GNG7: variants seen among roughly 807,000 people sequenced by gnomAD.
The protein encoded by GNG7 is guanine nucleotide-binding protein G(I)/G(S)/G(O) subunit gamma-7.
GNG7 carries 1 observed loss-of-function variant against 4.0 expected under a neutral mutation model. The observed-to-expected ratio is 0.25, with a 90% CI of 0.09 to 1.18. The LOEUF is 1.18. Among genes scored for constraint, GNG7 ranks in the 50% most tolerant of loss-of-function variants. GNG7 has a pLI of 0.50. For missense variants in GNG7, 86 were observed against 91.9 expected (o/e 0.94, Z 0.26); for synonymous variants, 34 against 36.9 (o/e 0.92, Z 0.29).
chr19:2,649,643 C>T (rs1982758419), intron 1 of GNG7, among the ~76,000 whole-genome samples: 1 of 152,110 alleles, frequency 6.6e-6, no homozygotes, highest in Non-Finnish European at 1.5e-5. Flanking sequence ...CCGCCTCAGC[C>T]TCCCAAAGTG....
intron 4 of GNG7, among the ~76,000 whole-genome samples, chr19:2,515,718 G>A (rs1327543366): frequency 6.6e-6 from 1 of 151,798 alleles, no homozygotes; most frequent in East Asian, 1.9e-4. Flanking sequence ...GAGCCACTGC[G>A]CCCGGCCGTG....
chr19:2,698,098 C>T (rs1913313292), intron 1 of GNG7, among the ~76,000 whole-genome samples: 1 of 150,822 alleles, frequency 6.6e-6, no homozygotes, highest in South Asian at 2.1e-4. Context: ...GAAACTCCGT[C>T]TCTACTAAAA....
In GNG7 at chr19:2,560,442, T is replaced by C. The variant is rs539131866; in HGVS notation, c.-77-5254A>G. 2.0e-5 allele frequency among the ~76,000 whole-genome samples: 3 copies of C among 152,140 alleles called. No homozygotes were observed. The South Asian group carries it at 6.2e-4, about 32-fold the overall frequency. ...AGGACCCCTTACCTCCACATCTTAT[T>C]TCTGTGTCCCACCCAGCCCTTCCCT... On this transcript the variant is annotated intron_variant, in intron 2 of 4. Transcript: ENST00000382159.
chr19:2,595,989 G>A (rs1227511384), intron 2 of GNG7, among the ~76,000 whole-genome samples: 1 of 152,058 alleles, frequency 6.6e-6, no homozygotes, highest in South Asian at 2.1e-4. Context: ...GCGACTCTAC[G>A]CTGCATGCTT....
intron 2 of GNG7, among the ~76,000 whole-genome samples, chr19:2,565,191 C>G (rs1272959015): frequency 6.6e-6 from 1 of 152,090 alleles, no homozygotes; most frequent in African/African-American, 2.4e-5. Flanking sequence ...GCAACCCTCA[C>G]ACAACGTGTG....
chr19:2,569,281 T>C (rs1254648247), intron 2 of GNG7, among the ~76,000 whole-genome samples: 5 of 151,316 alleles, frequency 3.3e-5, no homozygotes, highest in East Asian at 2.0e-4. Context: ...CTCTCTCTCT[T>C]TCTTTTTTTT....
At chr19:2,605,905 C>T (rs898210197) in intron 2 of GNG7, among the ~76,000 whole-genome samples, 3 of 152,172 alleles carry the variant, frequency 2.0e-5, no homozygotes, top group Admixed American at 6.6e-5. Flanking sequence ...CATGTGATCA[C>T]TTCTGCGACC....
At position 2,660,905 on chromosome 19, in the gene GNG7, A is replaced by G. The variant is rs142286138; in HGVS notation, c.-134-14625T>C. Among the ~76,000 whole-genome samples, 32 of 152,258 alleles carry G rather than the reference A, an allele frequency of 2.1e-4. No individual in the cohort carries two copies. In the East Asian group the frequency reaches 5.8e-3, roughly 28 times the overall value. On this transcript the variant is annotated intron_variant, in intron 1 of 4. Coordinates refer to ENST00000382159, the MANE Select transcript of GNG7 (RefSeq NM_052847.3). ...TGCAGGCAGTGCTGTGAAGAAATCC[A>G]TGTGTTGCAGAAATGGGCCCTCCAG...
intron 1 of GNG7, among the ~76,000 whole-genome samples, chr19:2,684,757 G>A (rs937935122): frequency 6.6e-6 from 1 of 152,132 alleles, no homozygotes; most frequent in Admixed American, 6.5e-5. Flanking sequence ...GGGAGGCCGA[G>A]GCGGGTGGAT....
chr19:2,541,223 C>T (rs1009786476), intron 3 of GNG7, among the ~76,000 whole-genome samples: 3 of 152,226 alleles, frequency 2.0e-5, no homozygotes, highest in African/African-American at 7.2e-5. Flanking sequence ...GTAATCCCAG[C>T]ACTTTGGGAG....
intron 2 of GNG7, among the ~76,000 whole-genome samples, chr19:2,593,928 C>CAAA (rs59658349): frequency 0.22 from 30,150 of 134,406 alleles, 3,693 homozygotes; most frequent in East Asian, 0.37. Flanking sequence ...TATTTGATGC[C>CAAA]AAAAAAAAAA....
intron 3 of GNG7, among the ~76,000 whole-genome samples, chr19:2,524,757 C>T (rs760694720): frequency 2.0e-5 from 3 of 152,054 alleles, no homozygotes; most frequent in East Asian, 1.9e-4. Flanking sequence ...TGTGTGGACA[C>T]GGCACTGCAT....
At position 2,625,425 on chromosome 19, in the gene GNG7, G is replaced by C. The variant is rs184655628; in HGVS notation, c.-78+20799C>G. Reference sequence around the variant, plus strand: ...ATAGAGGGGGGTCTCTGTTGCCCAGGCTGGTCTCAAACTCCCGGCCTCAAG... The same window carrying C: ...ATAGAGGGGGGTCTCTGTTGCCCAGCCTGGTCTCAAACTCCCGGCCTCAAG... On this transcript the variant is annotated intron_variant, in intron 2 of 4. Transcript: ENST00000382159. Among the ~76,000 whole-genome samples, 522 of 152,232 alleles carry C rather than the reference G, an allele frequency of 3.4e-3. 2 individuals are homozygous for C. The highest frequency in any genetic ancestry group is 0.012 in the African/African-American group (508 of 41,544).
chr19:2,522,449 G>C (rs1011401980), intron 3 of GNG7, among the ~76,000 whole-genome samples: 1 of 152,138 alleles, frequency 6.6e-6, no homozygotes, highest in Non-Finnish European at 1.5e-5. Flanking sequence ...GCAGATTCCA[G>C]AGTTCTCAAA....
chr19:2,594,272 C>G (rs1246131616), intron 2 of GNG7, among the ~76,000 whole-genome samples: 3 of 151,924 alleles, frequency 2.0e-5, no homozygotes, highest in Admixed American at 6.6e-5. Flanking sequence ...ACTTGGGAGG[C>G]TGAGGCAGGA....
intron 1 of GNG7, among the ~76,000 whole-genome samples, chr19:2,669,214 G>A (rs1403808054): frequency 6.6e-6 from 1 of 152,176 alleles, no homozygotes; most frequent in Non-Finnish European, 1.5e-5. Context: ...GCTGTGGGTT[G>A]GGCGCGGTGG....
chr19:2,575,073 CTTTTTTTCT>C (rs1361076045), intron 2 of GNG7, among the ~76,000 whole-genome samples: 2 of 148,110 alleles, frequency 1.4e-5, no homozygotes, highest in Non-Finnish European at 3.0e-5. Flanking sequence ...TTTTTCTTTC[CTTTTTTTCT>C]TTCTTTCTTT....
In GNG7 at chr19:2,657,385, T is replaced by A. The variant is rs866254957; in HGVS notation, c.-134-11105A>T. 7.5e-3 allele frequency among the ~76,000 whole-genome samples: 594 copies of A among 78,766 alleles called. 41 individuals are homozygous for A. The highest frequency in any genetic ancestry group is 0.012 in the Non-Finnish European group (468 of 37,976). The allele number at this position is 78,766 out of a possible 152,430, so 51.7% of individuals were successfully genotyped here. A position where few individuals can be genotyped will look rare whatever the true frequency, so the allele number is the denominator to read the frequency against. On this transcript the variant is annotated intron_variant, in intron 1 of 4. Transcript: ENST00000382159. ...AAATATATATATATATATATATATA[T>A]ATATATATATATATACACATAATAA... is the stretch of plus-strand genomic sequence containing the variant.
At position 2,514,990 on chromosome 19, in the gene GNG7, G is replaced by A. The variant is rs944849455; in HGVS notation, c.*32C>T. 4.1e-6 allele frequency: 6 copies of A among 1,465,732 alleles called. No homozygotes were observed. The highest frequency in any genetic ancestry group is 5.7e-6 in the Non-Finnish European group (6 of 1,057,292). 90.8% of individuals were successfully genotyped at this position (1,465,732 alleles called of 1,614,324 possible). ...AGACAGAGAGAGAGAGAGAGAAAGAGAGAGAGAGAGAGAGAACATATGAGA... is the reference window on the plus strand; with the variant it reads ...AGACAGAGAGAGAGAGAGAGAAAGAAAGAGAGAGAGAGAGAACATATGAGA... On this transcript the variant is annotated 3_prime_UTR_variant, in exon 5 of 5. Transcript: ENST00000382159.
Sources: gnomAD v4.1 joint callset for allele counts (sites outside exome capture counted in the v4.1 genomes callset) on GRCh38, gnomAD v4.1.1 for gene constraint, MANE v1.5 for transcripts, NCBI Gene and HGNC (gene_info 2026-07-23, HGNC 2026-07-21) for gene names.